Variants in SOWAHB observed in about 807,000 individuals in gnomAD.
SOWAHB encodes ankyrin repeat domain-containing protein SOWAHB.
SOWAHB carries 17 observed loss-of-function variants against 18.3 expected under a neutral mutation model. The observed-to-expected ratio is 0.93, with a 90% CI of 0.64 to 1.40. The LOEUF (loss-of-function observed/expected upper bound fraction) is 1.40. Among genes scored for constraint, SOWAHB ranks in the 40% most tolerant of loss-of-function variants. SOWAHB has a pLI of 0.00. For missense variants in SOWAHB, 1,126 were observed against 1,033.7 expected, an observed-to-expected ratio of 1.09 and a Z score of -1.22; for synonymous variants, 496 against 448.1, an observed-to-expected ratio of 1.11 and a Z score of -1.35.
In SOWAHB at chr4:76,897,627, TC is replaced by T. The variant is rs758182576; in HGVS notation, c.222del (p.Arg75GlyfsTer172). On this transcript the variant is annotated frameshift_variant, in exon 1 of 1. Coordinates refer to ENST00000334306, the MANE Select transcript of SOWAHB (RefSeq NM_001029870.3). LOFTEE classifies it low-confidence loss of function (END_TRUNC). This position sits in a 1 kb window ranked among gnomAD's most constrained non-coding sequence, Gnocchi z 6.4. ...TCCCCCAAAAGGTCCCTGTATCTCC[TC>T]TTGAGCACCACGTACTTGGTGCCGT... ...DPDGTKYVVL[K>X]RRYRDLLGEE... 17 of 1,611,864 alleles carry T rather than the reference TC, an allele frequency of 1.1e-5. No homozygotes were observed. Among genetic ancestry groups the T allele is most frequent in the Non-Finnish European group, 1.4e-5 (17 of 1,179,860 alleles).
At position 76,895,805 on chromosome 4, in the gene SOWAHB, T is replaced by A; in HGVS notation, c.2045A>T (p.His682Leu). 1 of 1,614,246 alleles carries A rather than the reference T, an allele frequency of 6.2e-7. No homozygotes were observed. The highest frequency in any genetic ancestry group is 1.1e-5 in the South Asian group (1 of 91,090). Reference sequence around the variant, plus strand: ...CACTAGCAATTTGATGACCCCCTGGTGGCCGTGAATGGCTGCAAGGTGCAG... The same window carrying A: ...CACTAGCAATTTGATGACCCCCTGGAGGCCGTGAATGGCTGCAAGGTGCAG... ...TPLHLAAIHG[H>L]QGVIKLLVQR... The change falls in exon 1 of 1, where the codon CAC (histidine) becomes CTC (leucine). Residue 682 changes from histidine to leucine, a missense_variant. His to Leu is a moderately conservative substitution (Grantham distance 99). Transcript: ENST00000334306.
Position 76,896,314 on chromosome 4 carries a change from C to A in SOWAHB, c.1536G>T (p.Glu512Asp), listed in dbSNP as rs377640288. The A allele has an allele frequency of 1.2e-6, 2 of 1,608,098 alleles. No individual in the cohort carries two copies. The highest frequency in any genetic ancestry group is 1.7e-6 in the Non-Finnish European group (2 of 1,176,038). The change falls in exon 1 of 1, where the codon GAG (glutamate) becomes GAT (aspartate). Residue 512 changes from glutamate to aspartate, a missense_variant. Glu to Asp is a conservative substitution (Grantham distance 45, BLOSUM62 2). Transcript: ENST00000334306. ...AGRAKLSSSDEEYLDEGLLKR... is the reference protein window; with the variant it reads ...AGRAKLSSSDDEYLDEGLLKR... ...TCAGCAAGCCCTCATCGAGGTACTC[C>A]TCATCAGAGGAGGACAATTTGGCTC... is the stretch of plus-strand genomic sequence containing the variant.
At position 76,896,918 on chromosome 4, in the gene SOWAHB, G is replaced by A. The variant is rs548338774; in HGVS notation, c.932C>T (p.Ala311Val). ...GGCCTCGGGCACCTGCGGGTGCCTGGCCACCCACTCTCGAGTGCGCTGCTG... is the reference window on the plus strand; with the variant it reads ...GGCCTCGGGCACCTGCGGGTGCCTGACCACCCACTCTCGAGTGCGCTGCTG... ...QQQQRTREWV[A>V]RHPQVPEARD... Residue 311 changes from alanine (A) to valine (V), a missense_variant, in exon 1 of 1, where the codon GCC (alanine) becomes GTC (valine). By Grantham distance (64) the Ala-to-Val change is moderately conservative (BLOSUM62 0). Coordinates refer to ENST00000334306, the MANE Select transcript of SOWAHB (RefSeq NM_001029870.3). The A allele has an allele frequency of 4.3e-6, 7 of 1,611,408 alleles. No homozygotes were observed. The South Asian group carries it at 7.7e-5, about 18-fold the overall frequency.
rs1266215728 is a variant in SOWAHB, at chr4:76,897,327, C to T, written c.523G>A (p.Ala175Thr). 8.5e-6 allele frequency: 13 copies of T among 1,538,116 alleles called. No homozygotes were observed. Among genetic ancestry groups the T allele is most frequent in the Non-Finnish European group, 1.1e-5 (13 of 1,148,392 alleles). The change falls in exon 1 of 1, where the codon GCA becomes ACA. Residue 175 changes from alanine to threonine, a missense_variant. Transcript: ENST00000334306. The surrounding 1 kb of genome is among the most constrained non-coding windows in gnomAD (Gnocchi z 6.4). ...GCCTGGGCCCCTGCCGCTGCAGCTGCGGGCACCGGCGGCCTCTGTCCGGGA... is the reference window on the plus strand; with the variant it reads ...GCCTGGGCCCCTGCCGCTGCAGCTGTGGGCACCGGCGGCCTCTGTCCGGGA... ...GSPGQRPPVP[A>T]AAAAGAQARA...
In SOWAHB at chr4:76,897,295, C is replaced by A. The variant is rs1036874947; in HGVS notation, c.555G>T (p.Ala185=). 21 of 1,542,396 alleles carry A rather than the reference C, an allele frequency of 1.4e-5. No homozygotes were observed. The highest frequency in any genetic ancestry group is 1.9e-5 in the Admixed American group (1 of 51,814). Residue 185 remains alanine (A), a synonymous_variant, in exon 1 of 1, where the codon GCG becomes GCT. Transcript: ENST00000334306. The surrounding 1 kb of genome is among the most constrained non-coding windows in gnomAD (Gnocchi z 6.4). ...CCTGCGTCTTCGCCGCCGCGCAGCTCGCTCTCGCCTGGGCCCCTGCCGCTG... is the reference window on the plus strand; with the variant it reads ...CCTGCGTCTTCGCCGCCGCGCAGCTAGCTCTCGCCTGGGCCCCTGCCGCTG... ...AAAAAGAQAR[A]SCAAAKTQGR... is the part of the protein sequence containing the mutation.
Position 76,897,366 on chromosome 4 carries a change from C to T in SOWAHB, c.484G>A (p.Gly162Arg). 2.0e-6 allele frequency: 3 copies of T among 1,529,728 alleles called. No individual in the cohort carries two copies. The highest frequency in any genetic ancestry group is 1.7e-6 in the Non-Finnish European group (2 of 1,144,952). 94.8% of individuals were successfully genotyped at this position (1,529,728 alleles called of 1,614,324 possible). The change falls in exon 1 of 1, where the codon GGA (glycine) becomes AGA (arginine). Residue 162 changes from glycine (G) to arginine (R), a missense_variant. Gly to Arg is a moderately radical substitution (Grantham distance 125). Transcript: ENST00000334306. The surrounding 1 kb of genome is among the most constrained non-coding windows in gnomAD (Gnocchi z 6.4). ...DSRRAPGKGGGSKGSPGQRPP... is the reference protein window; with the variant it reads ...DSRRAPGKGGRSKGSPGQRPP... ...CTCTGTCCGGGACTGCCCTTCGATC[C>T]GCCGCCCTTCCCGGGCGCCCTACGG...
At position 76,896,514 on chromosome 4, in the gene SOWAHB, G is replaced by A. The variant is rs370963563; in HGVS notation, c.1336C>T (p.Arg446Trp). ...RNPAGGLSVS[R>W]KEGSPSRSPQ... ...CTCCGGCTGGGGCTGCCCTCCTTCC[G>A]AGATACAGAAAGGCCCCCAGCTGGA... The change falls in exon 1 of 1, where the codon CGG (arginine) becomes TGG (tryptophan). Residue 446 changes from arginine to tryptophan, a missense_variant. Transcript: ENST00000334306. 9.1e-5 allele frequency: 146 copies of A among 1,612,860 alleles called. No individual in the cohort carries two copies. Among genetic ancestry groups the A allele is most frequent in the Non-Finnish European group, 9.9e-5 (117 of 1,179,840 alleles).
chr4:76,897,366 C>A lies in SOWAHB; in HGVS notation c.484G>T (p.Gly162Ter). 1 of 1,529,726 alleles carries A rather than the reference C, an allele frequency of 6.5e-7. No individual in the cohort carries two copies. The highest frequency in any genetic ancestry group is 1.4e-5 in the African/African-American group (1 of 71,268). The allele number at this position is 1,529,726 out of a possible 1,614,324, so 94.8% of individuals were successfully genotyped here. A position where few individuals can be genotyped will look rare whatever the true frequency, so the allele number is the denominator to read the frequency against. ...DSRRAPGKGG[G>*]SKGSPGQRPP... The stretch of plus-strand genomic sequence containing the variant: ...CTCTGTCCGGGACTGCCCTTCGATC[C>A]GCCGCCCTTCCCGGGCGCCCTACGG... The change falls in exon 1 of 1, where the codon GGA becomes TGA. Residue 162 changes from glycine to a stop codon, truncating the protein, a stop_gained. Transcript: ENST00000334306. LOFTEE classifies it low-confidence loss of function (END_TRUNC). The surrounding 1 kb of genome is among the most constrained non-coding windows in gnomAD (Gnocchi z 6.4).
chr4:76,894,392 T>C lies in SOWAHB; in HGVS notation c.*1076A>G, dbSNP rs4859725. 0.83 allele frequency among the ~76,000 whole-genome samples: 126,075 copies of C among 152,196 alleles called. 52,767 individuals carry two copies. The highest frequency in any genetic ancestry group is 0.96 in the African/African-American group (39,851 of 41,548). ...TCCATGAACTCACAAGTTATCGGTC[T>C]CTTCAAAAGCAATTAAAAAGGAGCA... is the stretch of plus-strand genomic sequence containing the variant. On this transcript the variant is annotated 3_prime_UTR_variant, in exon 1 of 1. Transcript: ENST00000334306.
rs780361783 is a variant in SOWAHB, at chr4:76,896,301, C to T, written c.1549G>A (p.Glu517Lys). Residue 517 changes from glutamate to lysine, a missense_variant, in exon 1 of 1, where the codon GAG (glutamate) becomes AAG (lysine). Coordinates refer to ENST00000334306, the MANE Select transcript of SOWAHB (RefSeq NM_001029870.3). ...CGCCGACTTCTTTTCAGCAAGCCCT[C>T]ATCGAGGTACTCCTCATCAGAGGAG... The part of the protein sequence containing the change: ...LSSSDEEYLD[E>K]GLLKRSRRPP... 1.2e-5 allele frequency: 20 copies of T among 1,608,966 alleles called. No individual in the cohort carries two copies. The Admixed American group carries it at 2.5e-4, about 20-fold the overall frequency.
rs1719927848 is a variant in SOWAHB at position 76,896,814 on chromosome 4, C to T, written c.1036G>A (p.Glu346Lys). Residue 346 changes from glutamate to lysine, a missense_variant, in exon 1 of 1, where the codon GAG becomes AAG. Physicochemically the swap from Glu to Lys is moderately conservative, Grantham distance 56. Coordinates refer to ENST00000334306, the MANE Select transcript of SOWAHB (RefSeq NM_001029870.3). The part of the protein sequence containing the change: ...LQLPLEPGST[E>K]PNSEPPDPCL... ...GGGTCTGGCGGCTCTGAATTAGGCT[C>T]CGTGGAGCCGGGTTCCAAGGGCAGC... The T allele has an allele frequency of 1.2e-6, 2 of 1,613,870 alleles. No homozygotes were observed. Among genetic ancestry groups the T allele is most frequent in the East Asian group, 2.2e-5 (1 of 44,884 alleles).
Position 76,898,052 on chromosome 4 carries a change from G to A in SOWAHB, c.-203C>T. 1.8e-6 allele frequency: 1 copy of A among 566,750 alleles called. No homozygotes were observed. Among genetic ancestry groups the A allele is most frequent in the Non-Finnish European group, 3.1e-6 (1 of 327,474 alleles). The allele number at this position is 566,750 out of a possible 1,614,324, so 35.1% of individuals were successfully genotyped here. On this transcript the variant is annotated 5_prime_UTR_variant, in exon 1 of 1. Transcript: ENST00000334306. ...GTCCCCTCCGGGTGGCCCCAAGGCTGAGTCCCCGCGGCAGTCTGCGTGAGA... is the reference window on the plus strand; with the variant it reads ...GTCCCCTCCGGGTGGCCCCAAGGCTAAGTCCCCGCGGCAGTCTGCGTGAGA...
rs1189870586 is a variant in SOWAHB at position 76,895,130 on chromosome 4, C to G, written c.*338G>C. On this transcript the variant is annotated 3_prime_UTR_variant, in exon 1 of 1. Coordinates refer to ENST00000334306, the MANE Select transcript of SOWAHB (RefSeq NM_001029870.3). ...TTCTCTTTTTGTTAGACATCTGTTC[C>G]CTCTCTAGCCAAGGCCTGGGACTCC... 2.5e-5 allele frequency: 5 copies of G among 198,534 alleles called. No individual in the cohort carries two copies. The highest frequency in any genetic ancestry group is 5.0e-5 in the Non-Finnish European group (5 of 99,200). The allele number at this position is 198,534 out of a possible 1,614,324, so 12.3% of individuals were successfully genotyped here.
In SOWAHB at chr4:76,896,684, A is replaced by G. The variant is rs1317523227; in HGVS notation, c.1166T>C (p.Leu389Pro). Residue 389 changes from leucine to proline, a missense_variant, in exon 1 of 1, where the codon CTG becomes CCG. Physicochemically the swap from Leu to Pro is moderately conservative, Grantham distance 98. Coordinates refer to ENST00000334306, the MANE Select transcript of SOWAHB (RefSeq NM_001029870.3). ...AAAGTCATCCAGATCTTGGAGGGACAGCTGACAACGAATGCTGCGAAAGAC... is the reference window on the plus strand; with the variant it reads ...AAAGTCATCCAGATCTTGGAGGGACGGCTGACAACGAATGCTGCGAAAGAC... ...LTVFRSIRCQ[L>P]SLQDLDDFVD... The G allele has an allele frequency of 2.5e-6, 4 of 1,613,966 alleles. No individual in the cohort carries two copies. The Admixed American group carries it at 5.0e-5, about 20-fold the overall frequency.
At position 76,896,545 on chromosome 4, in the gene SOWAHB, G is replaced by T; in HGVS notation, c.1305C>A (p.Leu435=). 2 of 1,613,256 alleles carry T rather than the reference G, an allele frequency of 1.2e-6. No individual in the cohort carries two copies. The highest frequency in any genetic ancestry group is 1.7e-6 in the Non-Finnish European group (2 of 1,179,924). ...VVLGTPDRGK[L]RNPAGGLSVS... is the part of the protein sequence containing the mutation. The stretch of plus-strand genomic sequence containing the variant: ...CAGAAAGGCCCCCAGCTGGATTCCT[G>T]AGCTTCCCCCTATCTGGGGTTCCCA... The change falls in exon 1 of 1, where the codon CTC becomes CTA. Residue 435 remains leucine (L), a synonymous_variant. Coordinates refer to ENST00000334306, the MANE Select transcript of SOWAHB (RefSeq NM_001029870.3).
At position 76,895,150 on chromosome 4, in the gene SOWAHB, G is replaced by A. The variant is rs914071539; in HGVS notation, c.*318C>T. The A allele has an allele frequency of 4.4e-6, 1 of 226,358 alleles. No homozygotes were observed. The highest frequency in any genetic ancestry group is 2.3e-5 in the African/African-American group (1 of 44,052). 14.0% of individuals were successfully genotyped at this position (226,358 alleles called of 1,614,324 possible). On this transcript the variant is annotated 3_prime_UTR_variant, in exon 1 of 1. Transcript: ENST00000334306. ...TGTTCCCTCTCTAGCCAAGGCCTGGGACTCCTGCTTCAGGAAACAATATGG... is the reference window on the plus strand; with the variant it reads ...TGTTCCCTCTCTAGCCAAGGCCTGGAACTCCTGCTTCAGGAAACAATATGG...
Position 76,896,390 on chromosome 4 carries a change from C to A in SOWAHB, c.1460G>T (p.Trp487Leu). 1 of 1,598,932 alleles carries A rather than the reference C, an allele frequency of 6.3e-7. No homozygotes were observed. Among genetic ancestry groups the A allele is most frequent in the Non-Finnish European group, 8.5e-7 (1 of 1,172,074 alleles). The change falls in exon 1 of 1, where the codon TGG (tryptophan) becomes TTG (leucine). Residue 487 changes from tryptophan (W) to leucine (L), a missense_variant. Transcript: ENST00000334306. ...LAGHPLKPLP[W>L]PVPKLRRSLR... ...GGACCTCCTTAACTTAGGAACTGGC[C>A]AAGGCAAAGGCTTCAGGGGGTGGCC...
In SOWAHB at chr4:76,896,371, C is replaced by A. The variant is rs560932650; in HGVS notation, c.1479G>T (p.Arg493Ser). The part of the protein sequence containing the change: ...KPLPWPVPKL[R>S]RSLRRSSLAG... ...CCAGAGAGCTCCTCCTGAGGGACCT[C>A]CTTAACTTAGGAACTGGCCAAGGCA... The change falls in exon 1 of 1, where the codon AGG becomes AGT. Residue 493 changes from arginine to serine, a missense_variant. By Grantham distance (110) the Arg-to-Ser change is moderately radical (BLOSUM62 -1). Coordinates refer to ENST00000334306, the MANE Select transcript of SOWAHB (RefSeq NM_001029870.3). The A allele has an allele frequency of 1.4e-5, 22 of 1,598,602 alleles. 1 individual carries two copies. In the South Asian group the frequency reaches 2.4e-4, roughly 18 times the overall value.
Position 76,896,029 on chromosome 4 carries a change from G to C in SOWAHB, c.1821C>G (p.Gly607=), listed in dbSNP as rs769972031. 2 of 1,612,102 alleles carry C rather than the reference G, an allele frequency of 1.2e-6. No individual in the cohort carries two copies. Among genetic ancestry groups the C allele is most frequent in the East Asian group, 4.5e-5 (2 of 44,848 alleles). ...ACAAAGTCCACACCTGAATCCAGGA[G>C]CCACTGGCAAGCTTCACAATCCACT... The part of the protein sequence containing the change: ...EHEWIVKLAS[G]SWIQVWTLFW... The change falls in exon 1 of 1, where the codon GGC becomes GGG. Residue 607 remains glycine (G), a synonymous_variant. Coordinates refer to ENST00000334306, the MANE Select transcript of SOWAHB (RefSeq NM_001029870.3).
Sources: gnomAD v4.1 joint callset for allele counts (sites outside exome capture counted in the v4.1 genomes callset) on GRCh38, gnomAD v4.1.1 for gene constraint, Gnocchi (gnomAD v3.1) non-coding constraint, MANE v1.5 for transcripts, NCBI Gene and HGNC (gene_info 2026-07-23, HGNC 2026-07-21) for gene names.